The following RIC1 variants were observed in gnomAD, a reference collection of about 807,000 sequenced individuals.
The protein encoded by RIC1 is guanine nucleotide exchange factor subunit RIC1.
A neutral mutation model predicts 169.0 loss-of-function variants in RIC1; 88 were observed. The ratio of observed to expected loss-of-function variants is 0.52; its 90% CI spans 0.44 to 0.62. The LOEUF (loss-of-function observed/expected upper bound fraction) is 0.62. Among genes scored for constraint, RIC1 ranks in the 20% least tolerant of loss-of-function variants. The pLI is 0.00. For synonymous variants in RIC1, 790 were observed against 601.5 expected (o/e 1.31, Z -4.59); for missense variants, 1,877 against 1,725.5 (o/e 1.09, Z -1.56).
intron 2 of RIC1, among the ~76,000 whole-genome samples, chr9:5,662,471 T>A (rs1478653321): frequency 6.6e-6 from 1 of 151,678 alleles, no homozygotes; most frequent in African/African-American, 2.4e-5. Flanking sequence ...GGGCTGGTTT[T>A]TTTTTTTGGG....
intron 2 of RIC1, among the ~76,000 whole-genome samples, chr9:5,684,587 G>T (rs1265367045): frequency 6.6e-6 from 1 of 151,274 alleles, no homozygotes; most frequent in Non-Finnish European, 1.5e-5. Flanking sequence ...TTCTATATTT[G>T]TCTTGTGTCC....
chr9:5,749,525 G>A (rs1825596215), intron 12 of RIC1, among the ~76,000 whole-genome samples: 1 of 152,080 alleles, frequency 6.6e-6, no homozygotes. Flanking sequence ...TTGTTTGCGT[G>A]ATTTATTCGT....
At chr9:5,771,920 T>C (rs553068654) in intron 23 of RIC1, among the ~76,000 whole-genome samples, 1 of 152,282 alleles carries the variant, frequency 6.6e-6, no homozygotes, top group East Asian at 1.9e-4. Flanking sequence ...TCTATAAATA[T>C]TTCAGTTTTT....
intron 6 of RIC1, among the ~76,000 whole-genome samples, chr9:5,722,538 T>C (rs115880972): frequency 0.011 from 1,666 of 152,226 alleles, 29 homozygotes; most frequent in African/African-American, 0.037. Flanking sequence ...CACTGTGATA[T>C]CAGAGATCCC....
At chr9:5,728,618 A>T (rs749273116) in intron 6 of RIC1, among the ~76,000 whole-genome samples, 1 of 152,002 alleles carries the variant, frequency 6.6e-6, no homozygotes, top group Non-Finnish European at 1.5e-5. Flanking sequence ...CCTCTGCATC[A>T]CTCATGCTGG....
At chr9:5,766,085 A>G (rs567496825) in intron 21 of RIC1, among the ~76,000 whole-genome samples, 100 of 152,322 alleles carry the variant, frequency 6.6e-4, no homozygotes, top group Non-Finnish European at 1.2e-3. Flanking sequence ...TCTGTCACCC[A>G]GGCTGGAATG....
intron 15 of RIC1, among the ~76,000 whole-genome samples, chr9:5,755,310 T>C (rs1267454876): frequency 6.6e-6 from 1 of 152,232 alleles, no homozygotes; most frequent in Non-Finnish European, 1.5e-5. Flanking sequence ...AGACCATCAG[T>C]GGATGCCTGA....
rs777546377 is a variant in RIC1 at position 5,739,740 on chromosome 9, T to C, written c.901+1202T>C. On this transcript the variant is annotated intron_variant, in intron 8 of 25. Transcript: ENST00000414202. ...GGTCCAGGAGGGGATGTTGCCACTA[T>C]TGGGGATGGGGAAAGCTGTTTCTTC... Among the ~76,000 whole-genome samples, 7 of 152,132 alleles carry C rather than the reference T, an allele frequency of 4.6e-5. No homozygotes were observed. The East Asian group carries it at 5.8e-4, about 13-fold the overall frequency.
chr9:5,753,793 T>A, intron 14 of RIC1, 147 bp downstream of exon 14: 1 of 465,684 alleles, frequency 2.1e-6, no homozygotes, highest in East Asian at 3.2e-5. Context: ...TTGAATAATA[T>A]GTAAGATTTG....
intron 1 of RIC1, among the ~76,000 whole-genome samples, chr9:5,633,438 C>T (rs1296927444): frequency 2.6e-5 from 4 of 152,140 alleles, no homozygotes; most frequent in African/African-American, 4.8e-5. Flanking sequence ...TCTTGGAATG[C>T]TCTCTTGCCT....
At chr9:5,680,815 ATTTT>A (rs66478510) in intron 2 of RIC1, among the ~76,000 whole-genome samples, 3 of 57,738 alleles carry the variant, frequency 5.2e-5, no homozygotes, top group Non-Finnish European at 1.0e-4. Flanking sequence ...GCAGTCATTG[ATTTT>A]TTTTTTTTTT....
At chr9:5,769,539 C>T (rs2082366165) in intron 22 of RIC1, 3 of 1,093,416 alleles carry the variant, frequency 2.7e-6, no homozygotes, top group Non-Finnish European at 3.7e-6. Flanking sequence ...ATAAAAGCTA[C>T]CATGCTTATG....
At position 5,754,889 on chromosome 9, in the gene RIC1, A is replaced by G. The variant is rs781268903; in HGVS notation, c.1651A>G (p.Met551Val). ...TGGCTTAGCCTGGTGGAATGATTTT[A>G]TGGTCCTTGCGTGTTATAACATAAA... ...TGGLAWWNDFMVLACYNINDR... is the reference protein window; with the variant it reads ...TGGLAWWNDFVVLACYNINDR... Residue 551 changes from methionine to valine, a missense_variant, in exon 15 of 26, where the codon ATG becomes GTG. Met to Val is a conservative substitution (Grantham distance 21). Around this residue, in one of 3 missense-constraint regions of RIC1, gnomAD observed 1,104 missense variants for 992.0 expected, o/e 1.11. Transcript: ENST00000414202. 26 of 1,581,202 alleles carry G rather than the reference A, an allele frequency of 1.6e-5. No homozygotes were observed. Among genetic ancestry groups the G allele is most frequent in the Non-Finnish European group, 2.2e-5 (25 of 1,158,928 alleles).
At chr9:5,642,756 A>G (rs1315855827) in intron 1 of RIC1, among the ~76,000 whole-genome samples, 3 of 150,318 alleles carry the variant, frequency 2.0e-5, no homozygotes, top group Admixed American at 6.6e-5. Context: ...CATAATCCAT[A>G]TTATAGTTAA....
At chr9:5,734,356 G>A (rs938013725) in intron 7 of RIC1, among the ~76,000 whole-genome samples, 2 of 151,592 alleles carry the variant, frequency 1.3e-5, no homozygotes, top group Non-Finnish European at 2.9e-5. Context: ...CATCCACCTC[G>A]GCCTCCCAAA....
In RIC1 at chr9:5,763,046, A is replaced by G. The variant is rs77235740; in HGVS notation, c.2113-94A>G. On this transcript the variant is annotated intron_variant, in intron 18 of 25. Transcript: ENST00000414202. The surrounding 1 kb of genome is among the most constrained non-coding windows in gnomAD (Gnocchi z 5.2). ...GCTTTTCCCAAAAAAATATTATACT[A>G]TCATTTGAAAGACTTAGTAAACTAG... The G allele has an allele frequency of 6.4e-4, 905 of 1,415,982 alleles. 2 individuals carry two copies. The highest frequency in any genetic ancestry group is 4.7e-3 in the Middle Eastern group (19 of 4,044). 87.7% of individuals were successfully genotyped at this position (1,415,982 alleles called of 1,614,324 possible).
intron 1 of RIC1, among the ~76,000 whole-genome samples, chr9:5,644,651 T>C (rs1346909906): frequency 6.6e-6 from 1 of 152,246 alleles, no homozygotes; most frequent in Non-Finnish European, 1.5e-5. Flanking sequence ...TCTATCTCCA[T>C]TCACCAGTTG....
At chr9:5,678,342 T>C (rs1563891542) in intron 2 of RIC1, among the ~76,000 whole-genome samples, 1 of 152,114 alleles carries the variant, frequency 6.6e-6, no homozygotes, top group Non-Finnish European at 1.5e-5. Flanking sequence ...GCATGATTTA[T>C]AGTCATTTGG....
rs368273290 is a variant in RIC1 at position 5,743,747 on chromosome 9, T to C, written c.1095+10T>C. On this transcript the variant is annotated intron_variant, in intron 10 of 25. Transcript: ENST00000414202. ...TAAGATCAACTCTATGGTAAGTACT[T>C]TCTATAAAAAATTGGCATGGTATTA... 1.3e-6 allele frequency: 2 copies of C among 1,595,404 alleles called. No homozygotes were observed. Among genetic ancestry groups the C allele is most frequent in the African/African-American group, 2.7e-5 (2 of 74,062 alleles).
Sources: allele counts gnomAD v4.1 joint callset (sites outside exome capture counted in the v4.1 genomes callset), GRCh38; gene constraint gnomAD v4.1.1; regional missense constraint gnomAD v4.1.1; non-coding constraint Gnocchi (gnomAD v3.1); transcripts MANE v1.5; gene names NCBI Gene and HGNC (gene_info 2026-07-23, HGNC 2026-07-21).